CNTNAP5: variants seen among roughly 807,000 people sequenced by gnomAD.
CNTNAP5 encodes the protein contactin-associated protein-like 5.
CNTNAP5 carries 72 observed loss-of-function variants against 150.2 expected under a neutral mutation model. The ratio of observed to expected loss-of-function variants is 0.48; its 90% confidence interval spans 0.40 to 0.58. The LOEUF is 0.58. Among genes scored for constraint, CNTNAP5 ranks in the 20% least tolerant of loss-of-function variants. CNTNAP5 has a pLI of 0.00. For synonymous variants in CNTNAP5, 672 were observed against 619.8 expected, an observed-to-expected ratio of 1.08 and a Z score of -1.25; for missense variants, 1,636 against 1,626.2, an observed-to-expected ratio of 1.01 and a Z score of -0.10.
chr2:124,621,891 T>C (rs1191737903), intron 12 of CNTNAP5, among the ~76,000 whole-genome samples: 1 of 152,254 alleles, frequency 6.6e-6, no homozygotes, highest in Non-Finnish European at 1.5e-5. Context: ...TTTGTATCTG[T>C]AATACAATTT....
At chr2:124,642,861 ATGAACT>A (rs539817883) in intron 12 of CNTNAP5, among the ~76,000 whole-genome samples, 4 of 152,362 alleles carry the variant, frequency 2.6e-5, no homozygotes, top group Non-Finnish European at 5.9e-5. Context: ...TTATGAAGAA[ATGAACT>A]TGAAAGCTCA....
At chr2:124,805,792 G>C (rs1682068530) in intron 19 of CNTNAP5, among the ~76,000 whole-genome samples, 1 of 152,174 alleles carries the variant, frequency 6.6e-6, no homozygotes, top group Admixed American at 6.5e-5. Context: ...TGAGGACCCT[G>C]CCTTTGTGTT....
chr2:124,025,912 G>A (rs1180620918), intron 1 of CNTNAP5, among the ~76,000 whole-genome samples, 180 bp downstream of exon 1: 1 of 152,156 alleles, frequency 6.6e-6, no homozygotes, highest in Non-Finnish European at 1.5e-5. Flanking sequence ...GCTCAAATGA[G>A]CCAACCGTGC....
intron 1 of CNTNAP5, among the ~76,000 whole-genome samples, chr2:124,078,784 A>T (rs2104672154): frequency 6.6e-6 from 1 of 152,266 alleles, no homozygotes; most frequent in East Asian, 1.9e-4. Context: ...TTGTCCCAGG[A>T]AGTAGGAGGA....
rs182000281 is a variant in CNTNAP5 at position 124,131,319 on chromosome 2, C to T, written c.83-90386C>T. The stretch of plus-strand genomic sequence containing the variant: ...CACACATTCTATATGCAAAAGGCAC[C>T]TTGTTGTTTATCTTGTGAAGAAATG... On this transcript the variant is annotated intron_variant, in intron 1 of 23. Transcript: ENST00000682447. 1.4e-4 allele frequency among the ~76,000 whole-genome samples: 21 copies of T among 152,296 alleles called. No individual in the cohort carries two copies. In the East Asian group the frequency reaches 3.3e-3, roughly 24 times the overall value.
chr2:124,200,373 C>G (rs13415020), intron 1 of CNTNAP5, among the ~76,000 whole-genome samples: 46,442 of 152,006 alleles, frequency 0.31, 7,255 homozygotes, highest in South Asian at 0.47. Context: ...AGACACCACT[C>G]ATTGTTATGG....
chr2:124,566,461 G>A (rs1696026737), intron 11 of CNTNAP5, among the ~76,000 whole-genome samples: 1 of 152,164 alleles, frequency 6.6e-6, no homozygotes, highest in South Asian at 2.1e-4. Context: ...ATCAATGGAG[G>A]TGAGGTGCTG....
chr2:124,859,836 A>T (rs1386135882), intron 19 of CNTNAP5, among the ~76,000 whole-genome samples: 1 of 152,024 alleles, frequency 6.6e-6, no homozygotes, highest in Non-Finnish European at 1.5e-5. Context: ...ACATGTTCTC[A>T]CTCATAGGTG....
intron 3 of CNTNAP5, among the ~76,000 whole-genome samples, chr2:124,372,049 G>T (rs1473629103): frequency 6.6e-6 from 1 of 152,024 alleles, no homozygotes; most frequent in African/African-American, 2.4e-5. Context: ...CCTAAACCTG[G>T]ATGGGCATCG....
intron 4 of CNTNAP5, among the ~76,000 whole-genome samples, chr2:124,424,325 A>G (rs1692190503): frequency 6.6e-6 from 1 of 152,186 alleles, no homozygotes; most frequent in Non-Finnish European, 1.5e-5. Flanking sequence ...AGGGAACTTC[A>G]GAAGGCACAG....
intron 3 of CNTNAP5, among the ~76,000 whole-genome samples, chr2:124,337,739 G>T (rs1461282760): frequency 6.6e-6 from 1 of 152,066 alleles, no homozygotes; most frequent in Non-Finnish European, 1.5e-5. Context: ...CTATATCTCT[G>T]TTTTGGTACC....
intron 3 of CNTNAP5, among the ~76,000 whole-genome samples, chr2:124,374,799 G>A (rs1690606624): frequency 6.6e-6 from 1 of 151,954 alleles, no homozygotes; most frequent in Admixed American, 6.6e-5. Flanking sequence ...GTGGAGCTGG[G>A]GCAGGGAGAA....
At chr2:124,575,233 CAG>C (rs1275848304) in intron 11 of CNTNAP5, among the ~76,000 whole-genome samples, 1 of 152,182 alleles carries the variant, frequency 6.6e-6, no homozygotes, top group African/African-American at 2.4e-5. Flanking sequence ...CAAGATTCTT[CAG>C]ATATATCATG....
rs145140100 is a variant in CNTNAP5 at position 124,473,522 on chromosome 2, T to C, written c.919-1217T>C. On this transcript the variant is annotated intron_variant, in intron 6 of 23. Coordinates refer to ENST00000682447, the MANE Select transcript of CNTNAP5 (RefSeq NM_001367498.1). ...AACACTTTTTTACTAGTGTGAAGCT[T>C]GTAAAAAAATCTAAAAATAGCCTTA... Among the ~76,000 whole-genome samples, 4 of 152,094 alleles carry C rather than the reference T, an allele frequency of 2.6e-5. No homozygotes were observed. The East Asian group carries it at 7.7e-4, about 29-fold the overall frequency.
At chr2:124,478,500 G>A (rs1053258367) in intron 7 of CNTNAP5, among the ~76,000 whole-genome samples, 6 of 151,846 alleles carry the variant, frequency 4.0e-5, no homozygotes, top group African/African-American at 7.3e-5. Context: ...GTGAGAATTC[G>A]TATCACTATA....
intron 1 of CNTNAP5, among the ~76,000 whole-genome samples, chr2:124,106,751 C>CCCCATATATATAG (rs1683179954): frequency 6.6e-6 from 1 of 152,108 alleles, no homozygotes; most frequent in Non-Finnish European, 1.5e-5. Flanking sequence ...TTGTGGAAAC[C>CCCCATATATATAG]CCCATATATA....
intron 1 of CNTNAP5, among the ~76,000 whole-genome samples, chr2:124,115,792 TTG>T (rs5834038): frequency 0.049 from 6,765 of 138,116 alleles, 229 homozygotes; most frequent in South Asian, 0.17. Context: ...GCCTGGCTAA[TTG>T]TGTGTGTGTG....
At position 124,798,223 on chromosome 2, in the gene CNTNAP5, C is replaced by T. The variant is rs1310896364; in HGVS notation, c.3120C>T (p.Asn1040=). Residue 1040 remains asparagine (N), a synonymous_variant, in exon 19 of 24, where the codon AAC becomes AAT. Transcript: ENST00000682447. ...IYTDSAPSKE[N]IALSFVTTQA... The stretch of plus-strand genomic sequence containing the variant: ...CAGATTCAGCTCCATCCAAGGAAAA[C>T]ATTGCACTTAGCTTTGTGACAACCC... 4 of 1,613,892 alleles carry T rather than the reference C, an allele frequency of 2.5e-6. No individual in the cohort carries two copies. The highest frequency in any genetic ancestry group is 3.4e-6 in the Non-Finnish European group (4 of 1,179,798).
chr2:124,750,759 G>A (rs996841615), intron 14 of CNTNAP5, among the ~76,000 whole-genome samples: 6 of 152,028 alleles, frequency 3.9e-5, no homozygotes, highest in East Asian at 1.9e-4. Context: ...GCCGAGGTGG[G>A]CGGATCACGA....
Sources: allele counts gnomAD v4.1 joint callset (sites outside exome capture counted in the v4.1 genomes callset), GRCh38; gene constraint gnomAD v4.1.1; transcripts MANE v1.5; gene names NCBI Gene and HGNC (gene_info 2026-07-23, HGNC 2026-07-21).